The following CBR4 variants were observed in gnomAD, a reference collection of about 807,000 sequenced individuals.
CBR4 encodes 3-oxoacyl-[acyl-carrier-protein] reductase.
A neutral mutation model predicts 21.0 loss-of-function variants in CBR4; 22 were observed. That is an observed-to-expected ratio of 1.05 (90% confidence interval 0.75 to 1.50). The LOEUF (loss-of-function observed/expected upper bound fraction) is 1.50. CBR4 is among the 40% of genes most tolerant of loss of function. The probability of loss-of-function intolerance (pLI) is 0.00; values close to 1 mark genes in which losing one functional copy is unlikely to be tolerated. For missense variants in CBR4, 302 were observed against 286.3 expected (o/e 1.05, Z -0.40); for synonymous variants, 100 against 104.4 (o/e 0.96, Z 0.26).
chr4:168,998,806 T>C (rs1345637182), intron 4 of CBR4, among the ~76,000 whole-genome samples: 2 of 152,156 alleles, frequency 1.3e-5, no homozygotes, highest in Admixed American at 6.5e-5. Flanking sequence ...AAGCTGTGAA[T>C]TGCATGATAC....
intron 3 of CBR4, chr4:169,005,396 T>C (rs1327560918): frequency 1.3e-5 from 2 of 155,056 alleles, no homozygotes; most frequent in East Asian, 3.7e-4. Flanking sequence ...TGCCACGCAC[T>C]ACTGTTCATC....
Position 168,964,056 on chromosome 4 carries a change from TA to T in CBR4, n.169+38014del, listed in dbSNP as rs1466250889. Among the ~76,000 whole-genome samples the T allele has an allele frequency of 3.9e-5, 6 of 152,286 alleles. No individual in the cohort carries two copies. In the South Asian group the frequency reaches 1.2e-3, roughly 32 times the overall value. On this transcript the variant is annotated intron_variant and non_coding_transcript_variant, in intron 2 of 3. Coordinates refer to the CBR4 transcript ENST00000509108. Reference sequence around the variant, plus strand: ...TCAGTAGTATAGTAACCCATCAAGCTAAATGCATAAATGGCATCCAGCACGT... The same window carrying T: ...TCAGTAGTATAGTAACCCATCAAGCTAATGCATAAATGGCATCCAGCACGT...
intron 2 of CBR4, among the ~76,000 whole-genome samples, chr4:168,959,764 C>T (rs149261156): frequency 7.1e-4 from 107 of 151,424 alleles, no homozygotes; most frequent in Admixed American, 3.7e-3. Flanking sequence ...GGGGTTTCAC[C>T]TTGTTGGTCA....
rs1409787034 is a variant in CBR4 at position 168,930,064 on chromosome 4, T to A, written n.170-35299A>T. 3.9e-5 allele frequency among the ~76,000 whole-genome samples: 6 copies of A among 152,182 alleles called. No homozygotes were observed. The East Asian group carries it at 1.2e-3, about 29-fold the overall frequency. ...TGGGACTGTCCTAGTAAAAATTATA[T>A]TACAAATATTGAAATATCTTAAAAT... is the stretch of plus-strand genomic sequence containing the variant. On this transcript the variant is annotated intron_variant and non_coding_transcript_variant, in intron 2 of 3. Coordinates refer to the CBR4 transcript ENST00000509108.
intron 2 of CBR4, among the ~76,000 whole-genome samples, chr4:168,961,844 C>T (rs545293396): frequency 2.0e-5 from 3 of 151,764 alleles, no homozygotes; most frequent in Admixed American, 6.6e-5. Context: ...GAGCCAAGAT[C>T]GTGCCATTGC....
In CBR4 at chr4:168,988,454, G is replaced by T. The variant is rs1040176245; in HGVS notation, c.*1696C>A. The T allele has an allele frequency of 8.1e-6, 8 of 985,282 alleles. No individual in the cohort carries two copies. In the South Asian group the frequency reaches 3.8e-4, roughly 46 times the overall value. 61.0% of individuals were successfully genotyped at this position (985,282 alleles called of 1,614,324 possible). On this transcript the variant is annotated 3_prime_UTR_variant, in exon 5 of 5. Coordinates refer to ENST00000306193, the MANE Select transcript of CBR4 (RefSeq NM_032783.5). ...TTCAGAGCATAAGGTGTCCAGAGAA[G>T]AAAACTCAAGACTGAATGGGCTGCC...
chr4:168,987,987 G>A lies in CBR4; in HGVS notation c.*2163C>T, dbSNP rs1190346347. ...TTAATGCTAAGCACAGAACCCTTAT[G>A]GGCTCATAGGAGTCAGCAAACAGCT... is the stretch of plus-strand genomic sequence containing the variant. On this transcript the variant is annotated 3_prime_UTR_variant, in exon 5 of 5. Coordinates refer to ENST00000306193, the MANE Select transcript of CBR4 (RefSeq NM_032783.5). 1 of 985,236 alleles carries A rather than the reference G, an allele frequency of 1.0e-6. No individual in the cohort carries two copies. The highest frequency in any genetic ancestry group is 1.2e-6 in the Non-Finnish European group (1 of 829,918). 61.0% of individuals were successfully genotyped at this position (985,236 alleles called of 1,614,324 possible).
intron 1 of CBR4, chr4:169,009,027 T>A (rs1373968133): frequency 9.2e-6 from 4 of 435,134 alleles, no homozygotes; most frequent in Non-Finnish European, 1.8e-5. Context: ...GGAGTTGGGG[T>A]CCAGCACGGG....
rs1397884662 is a variant in CBR4 at position 168,989,079 on chromosome 4, A to G, written c.*1071T>C. 5 of 984,528 alleles carry G rather than the reference A, an allele frequency of 5.1e-6. No homozygotes were observed. The highest frequency in any genetic ancestry group is 6.0e-6 in the Non-Finnish European group (5 of 829,236). The allele number at this position is 984,528 out of a possible 1,614,324, so 61.0% of individuals were successfully genotyped here. ...ATTCTCACTTAAGACCAGTGCCTTC[A>G]CTGCTTCTTGTAAAGACATTTAATT... is the stretch of plus-strand genomic sequence containing the variant. On this transcript the variant is annotated 3_prime_UTR_variant, in exon 5 of 5. Coordinates refer to ENST00000306193, the MANE Select transcript of CBR4 (RefSeq NM_032783.5).
At chr4:168,937,636 CA>C (rs139482274) in intron 2 of CBR4, among the ~76,000 whole-genome samples, 95,445 of 138,788 alleles carry the variant, frequency 0.69, 33,077 homozygotes, top group East Asian at 0.95. Context: ...ATAAAAAAAG[CA>C]AAAAAAAAAA....
Position 168,925,065 on chromosome 4 carries a change from G to A in CBR4, n.170-30300C>T. 6.2e-7 allele frequency: 1 copy of A among 1,614,042 alleles called. No individual in the cohort carries two copies. The highest frequency in any genetic ancestry group is 8.5e-7 in the Non-Finnish European group (1 of 1,179,968). On this transcript the variant is annotated intron_variant and non_coding_transcript_variant, in intron 2 of 3. Coordinates refer to the CBR4 transcript ENST00000509108. Reference sequence around the variant, plus strand: ...CAGGGATTGTGTCCTGTACTGCCAGGCTGGACGTTTACAGTGAGTGCCACT... The same window carrying A: ...CAGGGATTGTGTCCTGTACTGCCAGACTGGACGTTTACAGTGAGTGCCACT...
chr4:168,997,726 A>C (rs1765273967), intron 4 of CBR4, among the ~76,000 whole-genome samples: 1 of 152,214 alleles, frequency 6.6e-6, no homozygotes, highest in Admixed American at 6.5e-5. Context: ...ATTTTTATAT[A>C]CAGCAGAGCC....
chr4:168,984,073 G>A (rs1764616121), downstream of CBR4, among the ~76,000 whole-genome samples: 2 of 152,134 alleles, frequency 1.3e-5, no homozygotes, highest in South Asian at 4.1e-4. Context: ...TCAGGCAAGA[G>A]AAAGAAATAA....
At chr4:168,944,827 T>C (rs940717061) in intron 2 of CBR4, among the ~76,000 whole-genome samples, 4 of 152,046 alleles carry the variant, frequency 2.6e-5, no homozygotes, top group African/African-American at 7.2e-5. Context: ...TAGTTTTCAA[T>C]TGTTTCTTAC....
chr4:168,982,372 T>C (rs987946852), intron 2 of CBR4, among the ~76,000 whole-genome samples: 2 of 152,086 alleles, frequency 1.3e-5, no homozygotes, highest in African/African-American at 2.4e-5. Context: ...TTAACTATCC[T>C]AAATATATAT....
At chr4:168,979,597 C>T (rs943356970) in intron 2 of CBR4, among the ~76,000 whole-genome samples, 12 of 152,258 alleles carry the variant, frequency 7.9e-5, no homozygotes, top group African/African-American at 2.6e-4. Context: ...GGCTGCAGAA[C>T]GAACAAAGAG....
At chr4:168,906,659 C>T (rs1395624326) in intron 2 of CBR4, among the ~76,000 whole-genome samples, 1 of 152,158 alleles carries the variant, frequency 6.6e-6, no homozygotes, top group Non-Finnish European at 1.5e-5. Context: ...AGGTCTTCCT[C>T]AGTCACCCAG....
intron 4 of CBR4, among the ~76,000 whole-genome samples, chr4:168,990,795 G>A (rs545168440): frequency 5.3e-5 from 8 of 150,416 alleles, no homozygotes; most frequent in Admixed American, 2.0e-4. Flanking sequence ...GCTCATGACT[G>A]TAATCCCAGC....
rs778134231 is a variant in CBR4, at chr4:168,924,373, T to A, written n.170-29608A>T. The A allele has an allele frequency of 2.5e-6, 4 of 1,613,796 alleles. No individual in the cohort carries two copies. The highest frequency in any genetic ancestry group is 3.4e-6 in the Non-Finnish European group (4 of 1,179,912). ...TGGGAGTGCCACCACCTCAGATATTTTGGAAGAAAGAAAATGAATCACTCA... is the reference window on the plus strand; with the variant it reads ...TGGGAGTGCCACCACCTCAGATATTATGGAAGAAAGAAAATGAATCACTCA... On this transcript the variant is annotated intron_variant and non_coding_transcript_variant, in intron 2 of 3. Transcript: ENST00000509108.
Sources: allele counts gnomAD v4.1 joint callset (sites outside exome capture counted in the v4.1 genomes callset), GRCh38; gene constraint gnomAD v4.1.1; transcripts MANE v1.5; gene names NCBI Gene and HGNC (gene_info 2026-07-23, HGNC 2026-07-21).